Variants in MTCL3 observed in about 807,000 individuals in gnomAD.
The protein encoded by MTCL3 is microtubule cross-linking factor 3.
At chr6:127,507,262 T>C in the MTCL3 span, among the ~76,000 whole-genome samples, 1 of 152,208 alleles carries the variant, frequency 6.6e-6, no homozygotes, top group Non-Finnish European at 1.5e-5. Context: ...TTCAGCACTT[T>C]ATAGTTTCAA....
chr6:127,515,452 C>T, the MTCL3 span: 2 of 1,373,622 alleles, frequency 1.5e-6, no homozygotes. This position sits in a 1 kb window ranked among gnomAD's most constrained non-coding sequence, Gnocchi z 4.3. Context: ...TGCCGGTACA[C>T]GCCCTAATCC....
chr6:127,482,233 C>G, the MTCL3 span, among the ~76,000 whole-genome samples: 2 of 152,208 alleles, frequency 1.3e-5, no homozygotes, highest in East Asian at 3.8e-4. This position sits in a 1 kb window ranked among gnomAD's most constrained non-coding sequence, Gnocchi z 4.1. Flanking sequence ...CGAGAACCCT[C>G]TCTTGGGGTC....
the MTCL3 span, chr6:127,515,413 T>C: frequency 1.7e-6 from 2 of 1,169,002 alleles, no homozygotes; most frequent in East Asian, 2.8e-5. This position sits in a 1 kb window ranked among gnomAD's most constrained non-coding sequence, Gnocchi z 4.3. Flanking sequence ...TCTTCAAGGC[T>C]CCCTAACAGG....
the MTCL3 span, chr6:127,476,124 G>A: frequency 1.2e-6 from 2 of 1,614,168 alleles, no homozygotes; most frequent in East Asian, 2.2e-5. The surrounding 1 kb of genome is among the most constrained non-coding windows in gnomAD (Gnocchi z 4.4). Context: ...GCTCCCTCAT[G>A]AGCGGGTTGG....
At chr6:127,510,498 G>C in the MTCL3 span, among the ~76,000 whole-genome samples, 17 of 152,146 alleles carry the variant, frequency 1.1e-4, no homozygotes, top group Non-Finnish European at 2.2e-4. Context: ...TCTGGCTAAT[G>C]GATAGACAGT....
At chr6:127,516,386 G>C in the MTCL3 span, 2 of 1,600,374 alleles carry the variant, frequency 1.2e-6, no homozygotes, top group Non-Finnish European at 1.7e-6. Flanking sequence ...TGTTGCTGCT[G>C]CTGCAGCTGC....
the MTCL3 span, among the ~76,000 whole-genome samples, chr6:127,497,547 G>A: frequency 6.6e-6 from 1 of 152,168 alleles, no homozygotes; most frequent in African/African-American, 2.4e-5. Context: ...GTGTACCTGA[G>A]TGCTGCAGTA....
chr6:127,507,545 T>C, the MTCL3 span, among the ~76,000 whole-genome samples: 1 of 152,174 alleles, frequency 6.6e-6, no homozygotes, highest in Non-Finnish European at 1.5e-5. Context: ...TCTAATTTCA[T>C]TTAAAAATCC....
the MTCL3 span, among the ~76,000 whole-genome samples, chr6:127,506,769 C>A: frequency 6.6e-6 from 1 of 151,950 alleles, no homozygotes; most frequent in East Asian, 1.9e-4. Context: ...TTTAGTAGAA[C>A]GGGGTTTCAC....
chr6:127,500,799 G>A, the MTCL3 span, among the ~76,000 whole-genome samples: 142 of 152,142 alleles, frequency 9.3e-4, 1 homozygote, highest in African/African-American at 3.2e-3. Flanking sequence ...GTAGTGTAAG[G>A]AGTTAAACTA....
the MTCL3 span, among the ~76,000 whole-genome samples, chr6:127,484,983 T>G: frequency 6.6e-6 from 1 of 152,162 alleles, no homozygotes; most frequent in Non-Finnish European, 1.5e-5. Flanking sequence ...AAAAGCAAAT[T>G]CTTGAGATTC....
the MTCL3 span, chr6:127,475,983 C>T: frequency 1.9e-6 from 3 of 1,611,024 alleles, no homozygotes; most frequent in Admixed American, 5.0e-5. The surrounding 1 kb of genome is among the most constrained non-coding windows in gnomAD (Gnocchi z 7.3). Context: ...CGGACTTGTA[C>T]TTGTACTTGT....
chr6:127,486,863 T>G, the MTCL3 span, among the ~76,000 whole-genome samples: 1 of 152,198 alleles, frequency 6.6e-6, no homozygotes, highest in Non-Finnish European at 1.5e-5. Context: ...GTAGCATCTT[T>G]ATGTTTTCAG....
At chr6:127,476,172 T>G in the MTCL3 span, 1 of 1,614,182 alleles carries the variant, frequency 6.2e-7, no homozygotes, top group Non-Finnish European at 8.5e-7. The surrounding 1 kb of genome is among the most constrained non-coding windows in gnomAD (Gnocchi z 4.4). Flanking sequence ...GGTCGTCCAG[T>G]TCCGCCTTCA....
chr6:127,495,386 C>T, the MTCL3 span, among the ~76,000 whole-genome samples: 26 of 151,910 alleles, frequency 1.7e-4, no homozygotes, highest in African/African-American at 5.6e-4. Context: ...GACCAGAGTT[C>T]CTTAAGGCCT....
At chr6:127,514,165 G>C in the MTCL3 span, among the ~76,000 whole-genome samples, 10 of 152,280 alleles carry the variant, frequency 6.6e-5, no homozygotes, top group East Asian at 1.9e-3. Context: ...CTTCAAGGTT[G>C]AGATTTTTCC....
chr6:127,484,518 G>A, the MTCL3 span, among the ~76,000 whole-genome samples: 1 of 152,172 alleles, frequency 6.6e-6, no homozygotes, highest in Non-Finnish European at 1.5e-5. Flanking sequence ...AACATTCTAG[G>A]TAGGGGCTGC....
At chr6:127,515,959 G>T in the MTCL3 span, 1 of 1,605,048 alleles carries the variant, frequency 6.2e-7, no homozygotes, top group Non-Finnish European at 8.5e-7. The surrounding 1 kb of genome is among the most constrained non-coding windows in gnomAD (Gnocchi z 4.3). Context: ...AGAAGAGGAG[G>T]ATGGAGAAGG....
chr6:127,513,456 G>A, the MTCL3 span, among the ~76,000 whole-genome samples: 9,809 of 152,146 alleles, frequency 0.064, 371 homozygotes, highest in East Asian at 0.11. Flanking sequence ...CTTTACTTCA[G>A]CAAAACTATG....
Sources: allele counts gnomAD v4.1 joint callset (sites outside exome capture counted in the v4.1 genomes callset), GRCh38; gene constraint gnomAD v4.1.1; non-coding constraint Gnocchi (gnomAD v3.1); transcripts MANE v1.5; gene names NCBI Gene and HGNC (gene_info 2026-07-23, HGNC 2026-07-21).